Variants in ALDH16A1 observed in about 807,000 individuals in gnomAD.
ALDH16A1 encodes the protein aldehyde dehydrogenase family 16 member A1.
A neutral mutation model predicts 96.1 loss-of-function variants in ALDH16A1; 88 were observed. That is an observed-to-expected ratio of 0.92 (90% CI 0.77 to 1.09). ALDH16A1 has a LOEUF of 1.09. Ranked by LOEUF, ALDH16A1 falls within the 50% of genes least tolerant of loss-of-function variation. ALDH16A1 has a pLI of 0.00. For synonymous variants in ALDH16A1, 522 were observed against 496.4 expected (o/e 1.05, Z -0.69); for missense variants, 1,250 against 1,112.6 (o/e 1.12, Z -1.76).
intron 1 of ALDH16A1, among the ~76,000 whole-genome samples, chr19:49,455,360 G>A (rs1250449244): frequency 6.8e-6 from 1 of 147,374 alleles, no homozygotes; most frequent in Non-Finnish European, 1.5e-5. Context: ...AGATTGCAGT[G>A]AGCCGAGACC....
At chr19:49,469,131 T>C in intron 16 of ALDH16A1, 145 bp downstream of exon 16, 2 of 1,243,246 alleles carry the variant, frequency 1.6e-6, no homozygotes, top group South Asian at 3.0e-5. Context: ...GCCCCGCCCT[T>C]AGGACTCAAG....
intron 11 of ALDH16A1, 29 bp from the exon 12 acceptor site, chr19:49,464,603 G>A (rs767088349): frequency 3.7e-6 from 6 of 1,613,876 alleles, no homozygotes; most frequent in South Asian, 1.1e-5. Context: ...CGTGCCCCTT[G>A]CATCCTCTTG....
chr19:49,465,913 G>A lies in ALDH16A1; in HGVS notation c.1736+8G>A, dbSNP rs1481924998. 2 of 1,612,632 alleles carry A rather than the reference G, an allele frequency of 1.2e-6. No individual in the cohort carries two copies. The highest frequency in any genetic ancestry group is 1.1e-5 in the South Asian group (1 of 90,914). ...TCACCAGGCTTTCCCTGGGTAAGGG[G>A]TCACACGGGAAAGCCCAAGGGTCAT... On this transcript the variant is annotated splice_region_variant and intron_variant, in intron 13 of 16. Transcript: ENST00000293350.
rs1601044884 is a variant in ALDH16A1 at position 49,468,660 on chromosome 19, A to G, written c.2124+94A>G. On this transcript the variant is annotated intron_variant, in intron 15 of 16. Transcript: ENST00000293350. This position sits in a 1 kb window ranked among gnomAD's most constrained non-coding sequence, Gnocchi z 4.4. The stretch of plus-strand genomic sequence containing the variant: ...TCGGCAGGAGCTTGTCTCTTACCCC[A>G]CCCTCCGTGGTACCCATGCTGCCCC... 5.4e-6 allele frequency: 8 copies of G among 1,482,894 alleles called. No individual in the cohort carries two copies. The highest frequency in any genetic ancestry group is 1.3e-5 in the South Asian group (1 of 79,910). 91.9% of individuals were successfully genotyped at this position (1,482,894 alleles called of 1,614,324 possible). A position where few individuals can be genotyped will look rare whatever the true frequency, so the allele number is the denominator to read the frequency against.
At chr19:49,463,678 C>T (rs1220644885) in intron 8 of ALDH16A1, among the ~76,000 whole-genome samples, 176 bp from the exon 9 acceptor site, 1 of 74,018 alleles carries the variant, frequency 1.4e-5, no homozygotes, top group African/African-American at 7.6e-5. Flanking sequence ...GGGCTGGGGG[C>T]CTGGACTCCT....
Position 49,463,869 on chromosome 19 carries a change from G to A in ALDH16A1, c.1114G>A (p.Asp372Asn), listed in dbSNP as rs768824851. ...CTCTCCCTAGGTGTTCCAGGCTGGT[G>A]ATGTGCCTTCGGAACGCCCATTCTA... Reference protein sequence around the residue: ...SQGAQVFQAGDVPSERPFYPP... With the variant: ...SQGAQVFQAGNVPSERPFYPP... Residue 372 changes from aspartate to asparagine, a missense_variant, in exon 9 of 17, where the codon GAT becomes AAT. Asp to Asn is a conservative substitution (Grantham distance 23). Coordinates refer to ENST00000293350, the MANE Select transcript of ALDH16A1 (RefSeq NM_153329.4). 5 of 1,613,394 alleles carry A rather than the reference G, an allele frequency of 3.1e-6. No individual in the cohort carries two copies. The highest frequency in any genetic ancestry group is 4.2e-6 in the Non-Finnish European group (5 of 1,179,576).
At chr19:49,469,040 C>G in intron 16 of ALDH16A1, 54 bp downstream of exon 16, 2 of 1,566,320 alleles carry the variant, frequency 1.3e-6, no homozygotes, top group Non-Finnish European at 1.7e-6. Context: ...AAACAGGCTC[C>G]TCCTTTTCTG....
chr19:49,465,657 C>T (rs1303611971), intron 12 of ALDH16A1, 81 bp from the exon 13 acceptor site: 1 of 1,479,362 alleles, frequency 6.8e-7, no homozygotes, highest in Non-Finnish European at 9.1e-7. Flanking sequence ...GGAGCCAAGG[C>T]AGTCTTCCCA....
Position 49,468,444 on chromosome 19 carries a change from T to C in ALDH16A1, c.2002T>C (p.Cys668Arg). The C allele has an allele frequency of 6.2e-7, 1 of 1,601,472 alleles. No homozygotes were observed. Among genetic ancestry groups the C allele is most frequent in the Non-Finnish European group, 8.5e-7 (1 of 1,179,774 alleles). Residue 668 changes from cysteine (C) to arginine (R), a missense_variant, in exon 15 of 17, where the codon TGT (cysteine) becomes CGT (arginine). By Grantham distance (180) the Cys-to-Arg change is radical (BLOSUM62 -3). Coordinates refer to ENST00000293350, the MANE Select transcript of ALDH16A1 (RefSeq NM_153329.4). This position sits in a 1 kb window ranked among gnomAD's most constrained non-coding sequence, Gnocchi z 4.4. ...REPLGVLAVV[C>R]PDEWPLLAFV... ...GCCGCTGGGTGTGCTGGCTGTGGTG[T>C]GTCCGGACGAGTGGCCCCTGCTTGC...
rs1010291768 is a variant in ALDH16A1, at chr19:49,469,963, G to A, written c.2248-343G>A. On this transcript the variant is annotated intron_variant, in intron 16 of 16. Coordinates refer to ENST00000293350, the MANE Select transcript of ALDH16A1 (RefSeq NM_153329.4). ...ACTCCTGAACTCAAGCGATCCTCCC[G>A]CCTCAGCCACCCCAAGTGCTGGGAT... is the stretch of plus-strand genomic sequence containing the variant. 72 of 219,424 alleles carry A rather than the reference G, an allele frequency of 3.3e-4. No individual in the cohort carries two copies. In the Admixed American group the frequency reaches 3.5e-3, roughly 11 times the overall value. The allele number at this position is 219,424 out of a possible 1,614,324, so 13.6% of individuals were successfully genotyped here.
chr19:49,461,036 C>A (rs1215090967), intron 5 of ALDH16A1, 137 bp downstream of exon 5: 5 of 845,522 alleles, frequency 5.9e-6, no homozygotes, highest in Non-Finnish European at 9.5e-6. Context: ...GGAGGGGCTG[C>A]GGGTCTGAAC....
intron 8 of ALDH16A1, among the ~76,000 whole-genome samples, chr19:49,463,103 C>T: frequency 2.2e-5 from 1 of 45,814 alleles, no homozygotes; most frequent in East Asian, 3.2e-4. Context: ...GCCCGGATTC[C>T]TGGGTCTGAG....
Position 49,458,943 on chromosome 19 carries a change from C to A in ALDH16A1, c.194-17C>A. ...GGGCTACTCCTCCCATCTGAGTCCC[C>A]CCACTTTTCTCCCCAGGAGAGAACT... is the stretch of plus-strand genomic sequence containing the variant. On this transcript the variant is annotated splice_polypyrimidine_tract_variant and intron_variant, in intron 2 of 16. Coordinates refer to ENST00000293350, the MANE Select transcript of ALDH16A1 (RefSeq NM_153329.4). The A allele has an allele frequency of 6.2e-7, 1 of 1,606,844 alleles. No homozygotes were observed. The highest frequency in any genetic ancestry group is 1.1e-5 in the South Asian group (1 of 90,810).
At chr19:49,464,837 G>A in intron 12 of ALDH16A1, 75 bp downstream of exon 12, 2 of 1,598,166 alleles carry the variant, frequency 1.3e-6, no homozygotes, top group East Asian at 2.2e-5. Flanking sequence ...CCCGTGGACT[G>A]GAGGGCTGGC....
chr19:49,462,424 C>T (rs1307193674), intron 7 of ALDH16A1, 146 bp from the exon 8 acceptor site: 18 of 1,067,852 alleles, frequency 1.7e-5, no homozygotes, highest in South Asian at 3.2e-5. Flanking sequence ...TGTGAGCCAC[C>T]GCATCCGGCC....
intron 1 of ALDH16A1, among the ~76,000 whole-genome samples, chr19:49,455,180 G>A (rs146633896): frequency 0.017 from 2,510 of 151,166 alleles, 63 homozygotes; most frequent in African/African-American, 0.058. Flanking sequence ...CGCTTTGGGA[G>A]GCCGAGGCGG....
In ALDH16A1 at chr19:49,464,716, C is replaced by G; in HGVS notation, c.1522C>G (p.Leu508Val). 1 of 1,613,616 alleles carries G rather than the reference C, an allele frequency of 6.2e-7. No individual in the cohort carries two copies. Among genetic ancestry groups the G allele is most frequent in the South Asian group, 1.1e-5 (1 of 91,082 alleles). ...GAACCTGAACTATGACACCTTTGGC[C>G]TCGCTGTTCCCTCAACCCTGCCGGC... ...SKNLNYDTFG[L>V]AVPSTLPAGP... Residue 508 changes from leucine (L) to valine (V), a missense_variant, in exon 12 of 17, where the codon CTC becomes GTC. Leu to Val is a conservative substitution (Grantham distance 32). Coordinates refer to ENST00000293350, the MANE Select transcript of ALDH16A1 (RefSeq NM_153329.4).
intron 5 of ALDH16A1, 23 bp from the exon 6 acceptor site, chr19:49,461,595 CT>C: frequency 6.5e-7 from 1 of 1,531,274 alleles, no homozygotes; most frequent in African/African-American, 1.4e-5. Context: ...ACTCCTGGGC[CT>C]TTGAGCTGCC....
rs771634532 is a variant in ALDH16A1 at position 49,464,767 on chromosome 19, G to A, written c.1568+5G>A. 8 of 1,613,746 alleles carry A rather than the reference G, an allele frequency of 5.0e-6. No individual in the cohort carries two copies. The African/African-American group carries it at 9.3e-5, about 19-fold the overall frequency. On this transcript the variant is annotated splice_donor_5th_base_variant and intron_variant, in intron 12 of 16. Coordinates refer to ENST00000293350, the MANE Select transcript of ALDH16A1 (RefSeq NM_153329.4). ...TGGGCCTGAAATAGGGCCCAGGTGA[G>A]TCGTTGGGGGCCAGTGGTCTGGGAG...
Sources: gnomAD v4.1 joint callset for allele counts (sites outside exome capture counted in the v4.1 genomes callset) on GRCh38, gnomAD v4.1.1 for gene constraint, Gnocchi (gnomAD v3.1) non-coding constraint, MANE v1.5 for transcripts, NCBI Gene and HGNC (gene_info 2026-07-23, HGNC 2026-07-21) for gene names.